Variants in MSH3 observed in about 807,000 individuals in gnomAD.
MSH3 encodes mutS homolog 3.
Under a neutral mutation model 123.3 loss-of-function variants are expected in MSH3, and 106 were observed. That is an observed-to-expected ratio of 0.86 (90% CI 0.73 to 1.01). The LOEUF is 1.01. Ranked by LOEUF, MSH3 falls within the 50% of genes least tolerant of loss-of-function variation. The probability of loss-of-function intolerance (pLI) is 0.00; values close to 1 mark genes in which losing one functional copy is unlikely to be tolerated. For synonymous variants in MSH3, 515 were observed against 481.4 expected (o/e 1.07, Z -0.91); for missense variants, 1,459 against 1,347.6 (o/e 1.08, Z -1.29).
intron 1 of MSH3, chr5:80,655,246 G>A (rs1288303461): frequency 6.3e-6 from 2 of 316,618 alleles, no homozygotes; most frequent in Non-Finnish European, 1.1e-5. Flanking sequence ...TCTGATGAGG[G>A]GGCTTGTGGG....
chr5:80,708,061 A>G (rs1426180768), intron 8 of MSH3, among the ~76,000 whole-genome samples: 2 of 152,178 alleles, frequency 1.3e-5, no homozygotes, highest in East Asian at 1.9e-4. Flanking sequence ...AGTTATAGGT[A>G]TTGTGAATAT....
At chr5:80,815,048 C>T (rs140540506) in intron 20 of MSH3, among the ~76,000 whole-genome samples, 19 of 152,216 alleles carry the variant, frequency 1.2e-4, no homozygotes, top group East Asian at 3.9e-4. Context: ...TGTCCAGCTA[C>T]GTATTTATAT....
chr5:80,672,864 C>T lies in MSH3; in HGVS notation c.1027+6C>T, dbSNP rs750622145. ...ATCTACACTTATTGGAGAAGATATC[C>T]TTTTTGGACGGGAGTTTTTCTCTTA... On this transcript the variant is annotated splice_donor_region_variant and intron_variant, in intron 6 of 23. Coordinates refer to ENST00000265081, the MANE Select transcript of MSH3 (RefSeq NM_002439.5). 6.3e-7 allele frequency: 1 copy of T among 1,585,442 alleles called. No homozygotes were observed. Among genetic ancestry groups the T allele is most frequent in the Non-Finnish European group, 8.7e-7 (1 of 1,154,016 alleles).
At chr5:80,746,246 A>C (rs1467264529) in intron 12 of MSH3, 1 of 245,966 alleles carries the variant, frequency 4.1e-6, no homozygotes, top group Non-Finnish European at 8.1e-6. Flanking sequence ...ACTGCATTTC[A>C]CTGCTGTTTG....
intron 8 of MSH3, among the ~76,000 whole-genome samples, chr5:80,699,610 A>T (rs1750563612): frequency 6.6e-6 from 1 of 150,806 alleles, no homozygotes; most frequent in African/African-American, 2.4e-5. Context: ...AAATCTATAC[A>T]TTAACATATA....
rs558794224 is a variant in MSH3 at position 80,788,303 on chromosome 5, A to G, written c.2543+631A>G. Among the ~76,000 whole-genome samples, 41 of 152,228 alleles carry G rather than the reference A, an allele frequency of 2.7e-4. 1 individual carries two copies. The highest frequency in any genetic ancestry group is 9.4e-4 in the African/African-American group (39 of 41,540). ...ACAAAAAAAATTAGCCGGGTGTGGTATCACGTGCCTGTAATCCCAGCTACT... is the reference window on the plus strand; with the variant it reads ...ACAAAAAAAATTAGCCGGGTGTGGTGTCACGTGCCTGTAATCCCAGCTACT... On this transcript the variant is annotated intron_variant, in intron 18 of 23. Coordinates refer to ENST00000265081, the MANE Select transcript of MSH3 (RefSeq NM_002439.5).
At chr5:80,796,477 A>G (rs1475735549) in intron 19 of MSH3, among the ~76,000 whole-genome samples, 2 of 152,132 alleles carry the variant, frequency 1.3e-5, no homozygotes, top group African/African-American at 4.8e-5. Context: ...AGTGCATTCT[A>G]TTTTTCAGGG....
At position 80,656,430 on chromosome 5, in the gene MSH3, G is replaced by C. The variant is rs748099353; in HGVS notation, c.257G>C (p.Arg86Thr). 1 of 1,614,090 alleles carries C rather than the reference G, an allele frequency of 6.2e-7. No homozygotes were observed. The highest frequency in any genetic ancestry group is 8.5e-7 in the Non-Finnish European group (1 of 1,179,992). The change falls in exon 2 of 24, where the codon AGA becomes ACA. Residue 86 changes from arginine (R) to threonine (T), a missense_variant. Coordinates refer to ENST00000265081, the MANE Select transcript of MSH3 (RefSeq NM_002439.5). ...PPHIATEIDRRKKRPLENDGP... is the reference protein window; with the variant it reads ...PPHIATEIDRTKKRPLENDGP... ...ATATAGGCTACAGAAATTGACAGAAGAAAGAAGAGACCATTGGAAAATGAT... is the reference window on the plus strand; with the variant it reads ...ATATAGGCTACAGAAATTGACAGAACAAAGAAGAGACCATTGGAAAATGAT...
chr5:80,654,922 G>GCCCCCAGCT lies in MSH3; in HGVS notation c.199_207dup (p.Pro67_Pro69dup), dbSNP rs3045983. On this transcript the variant is annotated inframe_insertion, in exon 1 of 24. Transcript: ENST00000265081. ...CCGCAGCGGCCGCAGCGCCCCCAGC[G>GCCCCCAGCT]CCCCCAGCTCCCGCCTTCCCGCCCC... The GCCCCCAGCT allele has an allele frequency of 1.5e-5, 23 of 1,531,964 alleles. 1 individual carries two copies. Among genetic ancestry groups the GCCCCCAGCT allele is most frequent in the Middle Eastern group, 1.7e-4 (1 of 5,764 alleles). The allele number at this position is 1,531,964 out of a possible 1,614,324, so 94.9% of individuals were successfully genotyped here. A position where few individuals can be genotyped will look rare whatever the true frequency, so the allele number is the denominator to read the frequency against.
intron 8 of MSH3, among the ~76,000 whole-genome samples, chr5:80,688,821 A>G (rs1419326017): frequency 6.6e-6 from 1 of 152,130 alleles, no homozygotes; most frequent in African/African-American, 2.4e-5. Context: ...GAAGTGCTTC[A>G]CACATACGAA....
At chr5:80,833,468 G>C (rs1044938360) in intron 20 of MSH3, among the ~76,000 whole-genome samples, 7 of 151,984 alleles carry the variant, frequency 4.6e-5, no homozygotes, top group Non-Finnish European at 8.8e-5. Context: ...TTTTGAGATG[G>C]AGTCTCGCTC....
chr5:80,681,994 C>G (rs956361434), intron 8 of MSH3, among the ~76,000 whole-genome samples: 61 of 152,120 alleles, frequency 4.0e-4, no homozygotes, highest in African/African-American at 1.4e-3. Context: ...ATAATTTTCT[C>G]TATGTTTACT....
At chr5:80,803,175 G>A (rs969442553) in intron 19 of MSH3, among the ~76,000 whole-genome samples, 2 of 152,120 alleles carry the variant, frequency 1.3e-5, no homozygotes, top group African/African-American at 4.8e-5. Flanking sequence ...CATAACAGTT[G>A]TACTAACTTA....
intron 21 of MSH3, among the ~76,000 whole-genome samples, chr5:80,863,168 C>T (rs1170062456): frequency 1.3e-5 from 2 of 152,186 alleles, no homozygotes; most frequent in Non-Finnish European, 2.9e-5. Flanking sequence ...CCATCACCTA[C>T]ATATACATGG....
At chr5:80,856,823 T>C (rs1745928712) in intron 21 of MSH3, among the ~76,000 whole-genome samples, 2 of 152,230 alleles carry the variant, frequency 1.3e-5, no homozygotes, top group African/African-American at 4.8e-5. Context: ...CCAATTCTTT[T>C]GAATTTCCTA....
chr5:80,753,769 C>T (rs1023926644), intron 12 of MSH3, among the ~76,000 whole-genome samples: 1 of 152,032 alleles, frequency 6.6e-6, no homozygotes, highest in African/African-American at 2.4e-5. Flanking sequence ...CAGTTAGGAA[C>T]CCCAGAGGCT....
chr5:80,731,090 G>A (rs1445272102), intron 10 of MSH3, among the ~76,000 whole-genome samples: 1 of 151,570 alleles, frequency 6.6e-6, no homozygotes, highest in African/African-American at 2.4e-5. Context: ...TTTTAGTAGA[G>A]ACAGGGTTTC....
intron 20 of MSH3, among the ~76,000 whole-genome samples, chr5:80,818,402 C>CAAAAAAAAAAAAAAAAAAAAA (rs71603566): frequency 4.7e-5 from 3 of 63,826 alleles, no homozygotes; most frequent in African/African-American, 6.4e-5. Flanking sequence ...ATAGCAATGA[C>CAAAAAAAAAAAAAAAAAAAAA]AAAAAAAAAA....
At chr5:80,777,759 A>G (rs1239058253) in intron 16 of MSH3, among the ~76,000 whole-genome samples, 2 of 152,210 alleles carry the variant, frequency 1.3e-5, no homozygotes, top group East Asian at 3.8e-4. Flanking sequence ...TTGGCAAATT[A>G]AAGTGCAACA....
Sources: allele counts gnomAD v4.1 joint callset (sites outside exome capture counted in the v4.1 genomes callset), GRCh38; gene constraint gnomAD v4.1.1; transcripts MANE v1.5; gene names NCBI Gene and HGNC (gene_info 2026-07-23, HGNC 2026-07-21).